The following ZNF780B variants were observed in gnomAD, a reference collection of about 807,000 sequenced individuals.
The protein encoded by ZNF780B is zinc finger protein 780B.
ZNF780B carries 52 observed loss-of-function variants against 74.1 expected under a neutral mutation model. That is an observed-to-expected ratio of 0.70 (90% CI 0.56 to 0.88). The LOEUF (loss-of-function observed/expected upper bound fraction) is 0.88. ZNF780B is among the 40% of genes least tolerant of loss of function. ZNF780B has a pLI of 0.00. For missense variants in ZNF780B, 953 were observed against 1,007.6 expected (o/e 0.95, Z 0.73); for synonymous variants, 315 against 324.3 (o/e 0.97, Z 0.31).
chr19:40,052,201 G>T (rs1489318063), intron 1 of ZNF780B, among the ~76,000 whole-genome samples: 4 of 151,976 alleles, frequency 2.6e-5, no homozygotes, highest in Admixed American at 6.6e-5. Flanking sequence ...ATGACATATT[G>T]TGCTGTATAA....
At chr19:40,052,269 T>A (rs1973268239) in intron 1 of ZNF780B, among the ~76,000 whole-genome samples, 1 of 152,082 alleles carries the variant, frequency 6.6e-6, no homozygotes, top group Non-Finnish European at 1.5e-5. Context: ...TTCAGCAGTA[T>A]CCCTGACCTC....
intron 4 of ZNF780B, among the ~76,000 whole-genome samples, chr19:40,036,942 CTT>C (rs1287849901): frequency 6.7e-6 from 1 of 148,800 alleles, no homozygotes; most frequent in Non-Finnish European, 1.5e-5. Context: ...AAGTTTCACT[CTT>C]GTCGCCCAGG....
At chr19:40,042,935 T>C (rs936633755) in intron 4 of ZNF780B, among the ~76,000 whole-genome samples, 1 of 152,250 alleles carries the variant, frequency 6.6e-6, no homozygotes, top group East Asian at 1.9e-4. Context: ...CTTTGTTCCA[T>C]TGCTGGTGAG....
chr19:40,038,828 T>C (rs1325473172), intron 4 of ZNF780B, among the ~76,000 whole-genome samples: 2 of 150,608 alleles, frequency 1.3e-5, no homozygotes, highest in African/African-American at 4.8e-5. Context: ...GTCAGATGAG[T>C]AGGTTGTGAA....
intron 1 of ZNF780B, among the ~76,000 whole-genome samples, chr19:40,051,453 C>T (rs538609784): frequency 6.6e-6 from 1 of 152,080 alleles, no homozygotes; most frequent in African/African-American, 2.4e-5. Flanking sequence ...AATTCTTGAC[C>T]AACACTAAGA....
At position 40,030,723 on chromosome 19, in the gene ZNF780B, A is replaced by T. The variant is rs1971973954; in HGVS notation, c.*3634T>A. 6.6e-6 allele frequency: 1 copy of T among 152,194 alleles called. No homozygotes were observed. Among genetic ancestry groups the T allele is most frequent in the Non-Finnish European group, 1.5e-5 (1 of 68,046 alleles). 9.4% of individuals were successfully genotyped at this position (152,194 alleles called of 1,614,324 possible). Reference sequence around the variant, plus strand: ...TACTGCCATGATTGCATGATGATAGAGTTTCACCGAAAGGCTGCCAGGGAT... The same window carrying T: ...TACTGCCATGATTGCATGATGATAGTGTTTCACCGAAAGGCTGCCAGGGAT... On this transcript the variant is annotated 3_prime_UTR_variant, in exon 5 of 5. Coordinates refer to ENST00000434248, the MANE Select transcript of ZNF780B (RefSeq NM_001005851.3).
chr19:40,055,008 C>A (rs1223428788), intron 1 of ZNF780B, among the ~76,000 whole-genome samples: 4 of 152,222 alleles, frequency 2.6e-5, no homozygotes. Context: ...TTCCTGAAAG[C>A]CTCACAGACG....
At chr19:40,043,572 C>T (rs1188609845) in intron 4 of ZNF780B, among the ~76,000 whole-genome samples, 1 of 152,254 alleles carries the variant, frequency 6.6e-6, no homozygotes, top group Non-Finnish European at 1.5e-5. Flanking sequence ...TTTGAGCTCC[C>T]CGGCTGCTTT....
rs1202448876 is a variant in ZNF780B, at chr19:40,033,338, T to C, written c.*1019A>G. The C allele has an allele frequency of 6.5e-6, 1 of 155,002 alleles. No homozygotes were observed. The highest frequency in any genetic ancestry group is 1.5e-5 in the Non-Finnish European group (1 of 68,272). 9.6% of individuals were successfully genotyped at this position (155,002 alleles called of 1,614,324 possible). On this transcript the variant is annotated 3_prime_UTR_variant, in exon 5 of 5. Transcript: ENST00000434248. ...TGTGTATAAAATGCAGTAACTGCAA[T>C]GCACAATTAAGCAAGGTACGCCTGT...
intron 1 of ZNF780B, among the ~76,000 whole-genome samples, chr19:40,050,606 C>A (rs968567394): frequency 1.3e-5 from 2 of 152,240 alleles, no homozygotes; most frequent in Non-Finnish European, 2.9e-5. Flanking sequence ...TCCCAGGGAA[C>A]CTGCGGCGGA....
chr19:40,055,472 G>C (rs1208672582), intron 1 of ZNF780B: 1 of 152,110 alleles, frequency 6.6e-6, no homozygotes, highest in Non-Finnish European at 1.5e-5. Flanking sequence ...CCTTCTTTTG[G>C]ATAATAATAC....
In ZNF780B at chr19:40,028,796, T is replaced by C. The variant is rs986188774; in HGVS notation, c.*5561A>G. 6.6e-6 allele frequency: 1 copy of C among 152,210 alleles called. No homozygotes were observed. Among genetic ancestry groups the C allele is most frequent in the African/African-American group, 2.4e-5 (1 of 41,452 alleles). The allele number at this position is 152,210 out of a possible 1,614,324, so 9.4% of individuals were successfully genotyped here. A position where few individuals can be genotyped will look rare whatever the true frequency, so the allele number is the denominator to read the frequency against. On this transcript the variant is annotated 3_prime_UTR_variant, in exon 5 of 5. Coordinates refer to ENST00000434248, the MANE Select transcript of ZNF780B (RefSeq NM_001005851.3). The stretch of plus-strand genomic sequence containing the variant: ...CAGACTTATACAGAACTTGGAAGAA[T>C]AGTAAATAATTCTGGTTACCCTTCA...
At chr19:40,044,900 C>T (rs371099848) in intron 4 of ZNF780B, among the ~76,000 whole-genome samples, 24 of 152,124 alleles carry the variant, frequency 1.6e-4, no homozygotes, top group East Asian at 3.8e-4. Context: ...AAGATACAGA[C>T]GGGCTGAATG....
At chr19:40,048,648 T>A in intron 3 of ZNF780B, 22 bp downstream of exon 3, 1 of 1,614,058 alleles carries the variant, frequency 6.2e-7, no homozygotes, top group South Asian at 1.1e-5. Flanking sequence ...GATACAAAAA[T>A]AACTGGGACC....
rs1351930255 is a variant in ZNF780B at position 40,035,849 on chromosome 19, T to A, written c.1010A>T (p.Glu337Val). 6.2e-7 allele frequency: 1 copy of A among 1,613,874 alleles called. No homozygotes were observed. Among genetic ancestry groups the A allele is most frequent in the South Asian group, 1.1e-5 (1 of 91,072 alleles). The change falls in exon 5 of 5, where the codon GAA becomes GTA. Residue 337 changes from glutamate (E) to valine (V), a missense_variant. Coordinates refer to ENST00000434248, the MANE Select transcript of ZNF780B (RefSeq NM_001005851.3). Reference sequence around the variant, plus strand: ...CAGAAGAGTAAAGGCCTTTCTGCATTCTTTACATTCAAAGGGTTTCTCGCC... The same window carrying A: ...CAGAAGAGTAAAGGCCTTTCTGCATACTTTACATTCAAAGGGTTTCTCGCC... The part of the protein sequence containing the change: ...HTGEKPFECK[E>V]CRKAFTLLTK...
rs1246308449 is a variant in ZNF780B, at chr19:40,028,489, A to G, written c.*5868T>C. 6.6e-6 allele frequency: 1 copy of G among 152,206 alleles called. No individual in the cohort carries two copies. Among genetic ancestry groups the G allele is most frequent in the Non-Finnish European group, 1.5e-5 (1 of 68,038 alleles). The allele number at this position is 152,206 out of a possible 1,614,324, so 9.4% of individuals were successfully genotyped here. The stretch of plus-strand genomic sequence containing the variant: ...GTGGGATAAGTACATGACAACATGC[A>G]TGGGATAGACACTCTGTTCTCTACA... On this transcript the variant is annotated 3_prime_UTR_variant, in exon 5 of 5. Coordinates refer to ENST00000434248, the MANE Select transcript of ZNF780B (RefSeq NM_001005851.3).
chr19:40,045,230 A>G (rs1343631296), intron 4 of ZNF780B, among the ~76,000 whole-genome samples: 1 of 152,220 alleles, frequency 6.6e-6, no homozygotes, highest in African/African-American at 2.4e-5. Flanking sequence ...GGAGAGAGAT[A>G]CTACAGTATA....
At chr19:40,049,031 C>T (rs1472186978) in intron 2 of ZNF780B, 2 of 509,324 alleles carry the variant, frequency 3.9e-6, no homozygotes, top group Admixed American at 3.6e-5. Flanking sequence ...GGCAAACAGC[C>T]TGGGCAACAT....
rs932263415 is a variant in ZNF780B at position 40,032,127 on chromosome 19, C to T, written c.*2230G>A. The T allele has an allele frequency of 9.0e-5, 40 of 445,360 alleles. No homozygotes were observed. Among genetic ancestry groups the T allele is most frequent in the Non-Finnish European group, 7.6e-5 (17 of 223,994 alleles). The allele number at this position is 445,360 out of a possible 1,614,324, so 27.6% of individuals were successfully genotyped here. On this transcript the variant is annotated 3_prime_UTR_variant, in exon 5 of 5. Transcript: ENST00000434248. ...GAAAGAAATCTAAACACATAGCCAA[C>T]AACATTTCTGGGCTACTCAAAATTC...
Sources: gnomAD v4.1 joint callset for allele counts (sites outside exome capture counted in the v4.1 genomes callset) on GRCh38, gnomAD v4.1.1 for gene constraint, MANE v1.5 for transcripts, NCBI Gene and HGNC (gene_info 2026-07-23, HGNC 2026-07-21) for gene names.